NRG3: variants seen among roughly 807,000 people sequenced by gnomAD.
The protein encoded by NRG3 is neuregulin 3, also known as pro-neuregulin-3, membrane-bound isoform.
A neutral mutation model predicts 66.9 loss-of-function variants in NRG3; 31 were observed. The observed-to-expected ratio is 0.46, with a 90% confidence interval of 0.35 to 0.63. NRG3 has a LOEUF of 0.63. NRG3 is among the 20% of genes least tolerant of loss of function. The probability of loss-of-function intolerance (pLI) is 0.00; values close to 1 mark genes in which losing one functional copy is unlikely to be tolerated. For synonymous variants in NRG3, 393 were observed against 359.4 expected (o/e 1.09, Z -1.06); for missense variants, 910 against 878.9 (o/e 1.04, Z -0.45).
chr10:82,481,212 C>T (rs1564972418), intron 2 of NRG3, among the ~76,000 whole-genome samples: 1 of 152,202 alleles, frequency 6.6e-6, no homozygotes. Flanking sequence ...TCATATTTAA[C>T]TGCGTTATGA....
At chr10:82,972,090 T>C (rs1331401833) in intron 6 of NRG3, among the ~76,000 whole-genome samples, 1 of 152,136 alleles carries the variant, frequency 6.6e-6, no homozygotes, top group African/African-American at 2.4e-5. Context: ...CTTATTCCTG[T>C]CACATTTATT....
At chr10:82,491,293 A>AATATATATATATAT (rs10652539) in intron 2 of NRG3, among the ~76,000 whole-genome samples, 31 of 82,196 alleles carry the variant, frequency 3.8e-4, no homozygotes, top group East Asian at 7.6e-4. Context: ...GTTCCCATAA[A>AATATATATATATAT]ATATATATAT....
chr10:82,401,966 G>A (rs1412396573), intron 2 of NRG3, among the ~76,000 whole-genome samples: 1 of 151,960 alleles, frequency 6.6e-6, no homozygotes, highest in African/African-American at 2.4e-5. Flanking sequence ...AAGTTTATAT[G>A]CAATAAAATT....
chr10:82,777,795 G>A (rs568376682), intron 3 of NRG3, among the ~76,000 whole-genome samples: 140 of 152,278 alleles, frequency 9.2e-4, no homozygotes, highest in Non-Finnish European at 1.6e-3. Context: ...GGACATAGCC[G>A]TGGCCAAAGC....
At chr10:82,487,380 C>T (rs1842769882) in intron 2 of NRG3, among the ~76,000 whole-genome samples, 1 of 152,070 alleles carries the variant, frequency 6.6e-6, no homozygotes, top group South Asian at 2.1e-4. Context: ...AAGTCTAATA[C>T]ACGCTTTCTA....
rs75259652 is a variant in NRG3, at chr10:81,957,764, A to G, written c.823+81601A>G. The stretch of plus-strand genomic sequence containing the variant: ...TTAGCACCACTTGATAAATGATTCA[A>G]CTTCTCAGTGCCTTCTCACAATTGT... On this transcript the variant is annotated intron_variant, in intron 1 of 8. Transcript: ENST00000372141. Among the ~76,000 whole-genome samples, 960 of 152,346 alleles carry G rather than the reference A, an allele frequency of 6.3e-3. 5 individuals carry two copies. Among genetic ancestry groups the G allele is most frequent in the African/African-American group, 0.022 (897 of 41,594 alleles).
At chr10:82,520,356 A>G (rs1474773450) in intron 2 of NRG3, among the ~76,000 whole-genome samples, 1 of 151,760 alleles carries the variant, frequency 6.6e-6, no homozygotes, top group Non-Finnish European at 1.5e-5. Context: ...TTCACTTTTT[A>G]CCCAGTAAGA....
At chr10:81,905,227 C>G (rs1214058347) in intron 1 of NRG3, among the ~76,000 whole-genome samples, 1 of 151,998 alleles carries the variant, frequency 6.6e-6, no homozygotes, top group African/African-American at 2.4e-5. Context: ...CGTTTTTTTC[C>G]TTAGTTCATG....
intron 1 of NRG3, among the ~76,000 whole-genome samples, chr10:82,044,238 A>C (rs2133046633): frequency 6.6e-6 from 1 of 152,050 alleles, no homozygotes; most frequent in South Asian, 2.1e-4. Context: ...GTATTTATTA[A>C]TTCACTTTCC....
At chr10:82,654,100 T>G (rs895559534) in intron 2 of NRG3, among the ~76,000 whole-genome samples, 2 of 152,154 alleles carry the variant, frequency 1.3e-5, no homozygotes, top group South Asian at 2.1e-4. Flanking sequence ...AATACCATTT[T>G]TTTTCCTGGG....
At chr10:82,506,451 G>A (rs970060279) in intron 2 of NRG3, among the ~76,000 whole-genome samples, 17 of 152,194 alleles carry the variant, frequency 1.1e-4, no homozygotes, top group African/African-American at 3.6e-4. Context: ...TTGTAGAGAA[G>A]TGGCCCCTTA....
chr10:82,568,913 A>G (rs149337691), intron 2 of NRG3, among the ~76,000 whole-genome samples: 1 of 151,870 alleles, frequency 6.6e-6, no homozygotes, highest in African/African-American at 2.4e-5. Flanking sequence ...TTTTCTCTAC[A>G]TCACTGCCTC....
chr10:81,922,451 A>T (rs1440822524), intron 1 of NRG3, among the ~76,000 whole-genome samples: 1 of 151,986 alleles, frequency 6.6e-6, no homozygotes, highest in East Asian at 1.9e-4. Context: ...ATTATTCCAC[A>T]CTCTATGTGC....
intron 4 of NRG3, among the ~76,000 whole-genome samples, chr10:82,874,535 T>C (rs1265543232): frequency 4.6e-5 from 7 of 152,108 alleles, no homozygotes; most frequent in African/African-American, 1.4e-4. Flanking sequence ...TGTGTGTTTG[T>C]GGAGGAGTGC....
intron 6 of NRG3, among the ~76,000 whole-genome samples, chr10:82,968,611 A>G (rs890538741): frequency 1.3e-4 from 19 of 146,780 alleles, no homozygotes; most frequent in Non-Finnish European, 2.4e-4. Flanking sequence ...AACTAATGGT[A>G]CAAAAGATGA....
At chr10:82,469,303 A>G in intron 2 of NRG3, among the ~76,000 whole-genome samples, 1 of 152,086 alleles carries the variant, frequency 6.6e-6, no homozygotes, top group East Asian at 1.9e-4. Flanking sequence ...CGTTGAGACA[A>G]GTACAAGGGA....
At chr10:82,117,407 C>G (rs1165691325) in intron 1 of NRG3, among the ~76,000 whole-genome samples, 1 of 152,178 alleles carries the variant, frequency 6.6e-6, no homozygotes, top group Non-Finnish European at 1.5e-5. Context: ...CCACATCACT[C>G]ACTCACTTCC....
intron 1 of NRG3, 122 bp downstream of exon 1, chr10:81,876,285 AGAGT>A (rs1564625743): frequency 7.3e-7 from 1 of 1,364,006 alleles, no homozygotes; most frequent in Non-Finnish European, 9.8e-7. Context: ...GGTTTGGGGC[AGAGT>A]GAGAGCTGAT....
chr10:82,835,483 A>G (rs1043691474), intron 3 of NRG3, among the ~76,000 whole-genome samples: 2 of 152,204 alleles, frequency 1.3e-5, no homozygotes, highest in African/African-American at 4.8e-5. Flanking sequence ...AACAAAGAGA[A>G]AGAGATGACC....
Sources: gnomAD v4.1 joint callset for allele counts (sites outside exome capture counted in the v4.1 genomes callset) on GRCh38, gnomAD v4.1.1 for gene constraint, MANE v1.5 for transcripts, NCBI Gene and HGNC (gene_info 2026-07-23, HGNC 2026-07-21) for gene names.